MREG: variants seen among roughly 807,000 people sequenced by gnomAD.
MREG encodes dilute suppressor protein homolog.
Under a neutral mutation model 28.5 loss-of-function variants are expected in MREG, and 31 were observed. The observed-to-expected ratio is 1.09, with a 90% CI of 0.82 to 1.47. MREG has a LOEUF of 1.47. Among genes scored for constraint, MREG ranks in the 40% most tolerant of loss-of-function variants. The pLI is 0.00. For missense variants in MREG, 256 were observed against 257.4 expected, an observed-to-expected ratio of 0.99 and a Z score of 0.04; for synonymous variants, 106 against 95.2, an observed-to-expected ratio of 1.11 and a Z score of -0.66.
At chr2:215,985,433 T>C (rs1003335744) in intron 2 of MREG, among the ~76,000 whole-genome samples, 2 of 152,202 alleles carry the variant, frequency 1.3e-5, no homozygotes, top group Non-Finnish European at 2.9e-5. Context: ...GGTTTGCAAA[T>C]GCATCATTTC....
At chr2:216,002,829 T>C (rs1212650261) in intron 1 of MREG, among the ~76,000 whole-genome samples, 1 of 151,548 alleles carries the variant, frequency 6.6e-6, no homozygotes, top group African/African-American at 2.4e-5. Context: ...TCTTTCTTTT[T>C]TCTTTCTTCC....
At chr2:216,030,632 C>T (rs1257465618) in intron 1 of MREG, among the ~76,000 whole-genome samples, 1 of 151,940 alleles carries the variant, frequency 6.6e-6, no homozygotes, top group Non-Finnish European at 1.5e-5. Flanking sequence ...CAACCTCCGC[C>T]CCCAGGTTCA....
At chr2:215,947,599 T>A (rs1358287729) in intron 2 of MREG, among the ~76,000 whole-genome samples, 1 of 152,182 alleles carries the variant, frequency 6.6e-6, no homozygotes, top group Non-Finnish European at 1.5e-5. Context: ...AGAATAGATA[T>A]TGGAAGCCAA....
chr2:215,965,794 G>C (rs1692923266), intron 2 of MREG, among the ~76,000 whole-genome samples: 1 of 152,130 alleles, frequency 6.6e-6, no homozygotes, highest in Non-Finnish European at 1.5e-5. Flanking sequence ...TGACCTAAAG[G>C]GAGTAGGGGA....
chr2:215,985,492 G>T (rs1236588117), intron 2 of MREG, among the ~76,000 whole-genome samples: 2 of 152,188 alleles, frequency 1.3e-5, no homozygotes, highest in Non-Finnish European at 2.9e-5. Context: ...TTATGTAAAT[G>T]AAGGTGGATT....
intron 2 of MREG, among the ~76,000 whole-genome samples, chr2:215,990,007 C>T (rs34342640): frequency 0.081 from 12,316 of 152,144 alleles, 534 homozygotes; most frequent in African/African-American, 0.086. Flanking sequence ...TCCAACTTAG[C>T]AAGACAGGCC....
downstream of MREG, among the ~76,000 whole-genome samples, chr2:215,940,837 T>C (rs1692188739): frequency 6.6e-6 from 1 of 152,134 alleles, no homozygotes; most frequent in South Asian, 2.1e-4. Flanking sequence ...TAAGTGTATG[T>C]GTGTTGTGTG....
At position 216,002,452 on chromosome 2, in the gene MREG, C is replaced by T. The variant is rs114908163; in HGVS notation, c.96-5987G>A. On this transcript the variant is annotated intron_variant, in intron 1 of 4. Coordinates refer to ENST00000263268, the MANE Select transcript of MREG (RefSeq NM_018000.3). Reference sequence around the variant, plus strand: ...GTGCACACAGGCTGGCCTCTGACACCGGCAGTTCCAGTGACTTTACTGCTC... The same window carrying T: ...GTGCACACAGGCTGGCCTCTGACACTGGCAGTTCCAGTGACTTTACTGCTC... Among the ~76,000 whole-genome samples, 1,412 of 152,264 alleles carry T rather than the reference C, an allele frequency of 9.3e-3. 27 individuals carry two copies. The highest frequency in any genetic ancestry group is 0.032 in the African/African-American group (1,340 of 41,526).
chr2:215,956,170 A>G (rs1339856939), intron 2 of MREG, among the ~76,000 whole-genome samples: 1 of 152,258 alleles, frequency 6.6e-6, no homozygotes, highest in African/African-American at 2.4e-5. Flanking sequence ...CAGCAGATCC[A>G]GGGATCAGCC....
chr2:215,940,664 C>T (rs149244463), downstream of MREG, among the ~76,000 whole-genome samples: 649 of 152,218 alleles, frequency 4.3e-3, 5 homozygotes, highest in African/African-American at 0.015. Context: ...GTTGGGTTCC[C>T]TGAGGGAAAT....
In MREG at chr2:215,944,969, T is replaced by C. The variant is rs1199339408; in HGVS notation, c.539A>G (p.Glu180Gly). ...TCGACGAGCAAGCTTAAAGAACTCT[T>C]CTGCAGCATCAAGTGCAATGAGACG... The part of the protein sequence containing the change: ...VDRLIALDAA[E>G]EFFKLARRTY... Residue 180 changes from glutamate to glycine, a missense_variant, in exon 5 of 5, where the codon GAA becomes GGA. Physicochemically the swap from Glu to Gly is moderately conservative, Grantham distance 98 (BLOSUM62 -2). Transcript: ENST00000263268. 4.4e-6 allele frequency: 7 copies of C among 1,599,712 alleles called. No homozygotes were observed. The South Asian group carries it at 4.4e-5, about 10-fold the overall frequency.
At chr2:215,964,886 G>A (rs1253953378) in intron 2 of MREG, among the ~76,000 whole-genome samples, 2 of 39,704 alleles carry the variant, frequency 5.0e-5, no homozygotes, top group African/African-American at 1.5e-4. Context: ...TAGATAGACA[G>A]ACAGATATCT....
At chr2:215,962,561 A>G (rs930440345) in intron 2 of MREG, among the ~76,000 whole-genome samples, 21 of 152,224 alleles carry the variant, frequency 1.4e-4, no homozygotes, top group African/African-American at 4.8e-4. Flanking sequence ...GAAAAAGAAG[A>G]CTTACATTTC....
At chr2:216,019,734 T>G (rs1011740690) in intron 1 of MREG, among the ~76,000 whole-genome samples, 17 of 152,128 alleles carry the variant, frequency 1.1e-4, no homozygotes, top group African/African-American at 3.9e-4. Flanking sequence ...CTCAATCTCC[T>G]GACCACGTGA....
intron 1 of MREG, among the ~76,000 whole-genome samples, chr2:216,023,111 T>A (rs1356755331): frequency 3.3e-5 from 5 of 152,074 alleles, no homozygotes; most frequent in East Asian, 1.9e-4. Context: ...ACCCTGCAAC[T>A]CTCCCGGACA....
chr2:215,975,941 C>T (rs979439634), intron 2 of MREG, among the ~76,000 whole-genome samples: 1 of 152,090 alleles, frequency 6.6e-6, no homozygotes. Context: ...CAAAAAGTAG[C>T]CGGGCATGGT....
At chr2:216,013,743 C>G (rs1228960614), upstream of MREG, 1 of 152,058 alleles carries the variant, frequency 6.6e-6, no homozygotes, top group Non-Finnish European at 1.5e-5. Context: ...CCACAGAGCA[C>G]GAGGTTGGGC....
At chr2:216,007,220 T>G (rs1694177262) in intron 1 of MREG, among the ~76,000 whole-genome samples, 1 of 152,118 alleles carries the variant, frequency 6.6e-6, no homozygotes, top group South Asian at 2.1e-4. Flanking sequence ...AAAATTTACC[T>G]GTAACCCCAA....
chr2:216,017,531 A>G (rs536061619), upstream of MREG, among the ~76,000 whole-genome samples: 1 of 152,314 alleles, frequency 6.6e-6, no homozygotes, highest in South Asian at 2.1e-4. Flanking sequence ...GAGTGGCGCT[A>G]GATGGTTCCT....
Sources: allele counts gnomAD v4.1 joint callset (sites outside exome capture counted in the v4.1 genomes callset), GRCh38; gene constraint gnomAD v4.1.1; transcripts MANE v1.5; gene names NCBI Gene and HGNC (gene_info 2026-07-23, HGNC 2026-07-21).